The following RAB38 variants were observed in gnomAD, a reference collection of about 807,000 sequenced individuals.
RAB38 encodes RAB38, member RAS oncogene family.
Under a neutral mutation model 18.4 loss-of-function variants are expected in RAB38, and 15 were observed. The ratio of observed to expected loss-of-function variants is 0.82; its 90% confidence interval spans 0.55 to 1.26. The LOEUF (loss-of-function observed/expected upper bound fraction) is 1.26, where lower values mean the gene tolerates loss of function less well. Ranked by LOEUF, RAB38 falls within the 50% of genes most tolerant of loss-of-function variation. RAB38 has a pLI of 0.00. For synonymous variants in RAB38, 101 were observed against 104.4 expected, an observed-to-expected ratio of 0.97 and a Z score of 0.20; for missense variants, 294 against 267.4, an observed-to-expected ratio of 1.10 and a Z score of -0.69.
At chr11:87,967,355 T>C in the RAB38 span, among the ~76,000 whole-genome samples, 2 of 152,202 alleles carry the variant, frequency 1.3e-5, no homozygotes, top group Non-Finnish European at 2.9e-5. Context: ...AATCAGTTAA[T>C]GTGTGGTTTG....
At chr11:88,080,092 G>A in the RAB38 span, among the ~76,000 whole-genome samples, 5 of 151,576 alleles carry the variant, frequency 3.3e-5, no homozygotes, top group Non-Finnish European at 7.4e-5. Flanking sequence ...AGGAAATGGA[G>A]AAATAAAACT....
At chr11:87,861,021 T>C in the RAB38 span, among the ~76,000 whole-genome samples, 2 of 151,920 alleles carry the variant, frequency 1.3e-5, no homozygotes, top group East Asian at 3.9e-4. Flanking sequence ...GGAAGAAAGG[T>C]GAAATTATTC....
chr11:88,056,850 T>TACAC, the RAB38 span, among the ~76,000 whole-genome samples: 17 of 151,704 alleles, frequency 1.1e-4, no homozygotes, highest in African/African-American at 4.1e-4. Flanking sequence ...CATACATACA[T>TACAC]ACATACATAC....
the RAB38 span, among the ~76,000 whole-genome samples, chr11:87,842,576 C>T: frequency 5.9e-5 from 9 of 152,034 alleles, no homozygotes; most frequent in African/African-American, 1.7e-4. Flanking sequence ...TGTGCTTATC[C>T]GGAATCTCTA....
the RAB38 span, among the ~76,000 whole-genome samples, chr11:87,935,189 A>C: frequency 6.6e-6 from 1 of 152,222 alleles, no homozygotes; most frequent in Admixed American, 6.5e-5. Flanking sequence ...TATCCTTTTA[A>C]AAAACGTCTC....
chr11:88,157,397 G>A (rs1353761382), intron 1 of RAB38, among the ~76,000 whole-genome samples: 5 of 152,090 alleles, frequency 3.3e-5, no homozygotes, highest in African/African-American at 1.2e-4. Context: ...AATAATAGTG[G>A]GGGACTTCAA....
chr11:87,844,227 C>A, the RAB38 span, among the ~76,000 whole-genome samples: 1 of 152,130 alleles, frequency 6.6e-6, no homozygotes, highest in Non-Finnish European at 1.5e-5. Context: ...TTTTTAAAAT[C>A]TGCTTGTGTG....
the RAB38 span, among the ~76,000 whole-genome samples, chr11:87,955,873 GCACACACACACACA>G: frequency 8.7e-3 from 1,290 of 148,610 alleles, 11 homozygotes; most frequent in African/African-American, 0.025. Flanking sequence ...CAAACAGTAT[GCACACACACACACA>G]CACACACACA....
At chr11:88,127,688 T>C (rs556061167) in intron 2 of RAB38, among the ~76,000 whole-genome samples, 3 of 152,298 alleles carry the variant, frequency 2.0e-5, no homozygotes, top group East Asian at 1.9e-4. Context: ...ACAGAGTAGA[T>C]GATATAATGC....
the RAB38 span, among the ~76,000 whole-genome samples, chr11:87,960,941 C>T: frequency 6.6e-6 from 1 of 152,216 alleles, no homozygotes; most frequent in African/African-American, 2.4e-5. Context: ...AGAAATTACT[C>T]ATGTTAAGAA....
At chr11:88,139,184 A>T (rs532263276) in intron 2 of RAB38, among the ~76,000 whole-genome samples, 1 of 152,146 alleles carries the variant, frequency 6.6e-6, no homozygotes. Context: ...TCTTGATTAG[A>T]TATCTTAGAA....
chr11:88,023,287 A>G, the RAB38 span, among the ~76,000 whole-genome samples: 1 of 152,042 alleles, frequency 6.6e-6, no homozygotes, highest in Non-Finnish European at 1.5e-5. Context: ...GTAATAAAAA[A>G]TGTTTTTCCA....
chr11:87,894,108 T>C, the RAB38 span, among the ~76,000 whole-genome samples: 4 of 151,712 alleles, frequency 2.6e-5, no homozygotes, highest in Non-Finnish European at 4.4e-5. Flanking sequence ...CATTTCATAG[T>C]TGTCAATGTG....
the RAB38 span, among the ~76,000 whole-genome samples, chr11:88,035,630 C>G: frequency 6.6e-6 from 1 of 152,176 alleles, no homozygotes; most frequent in African/African-American, 2.4e-5. Flanking sequence ...GAAATCTAAA[C>G]CAGTCTAAGT....
the RAB38 span, among the ~76,000 whole-genome samples, chr11:87,883,239 T>C: frequency 6.6e-6 from 1 of 151,910 alleles, no homozygotes; most frequent in Non-Finnish European, 1.5e-5. Context: ...GCAAGCCAAC[T>C]GTTGCCTTGG....
chr11:88,168,405 C>G (rs1943269538), intron 1 of RAB38, among the ~76,000 whole-genome samples: 1 of 152,154 alleles, frequency 6.6e-6, no homozygotes, highest in African/African-American at 2.4e-5. Context: ...CGCATGATGT[C>G]TTCTCATCTC....
the RAB38 span, among the ~76,000 whole-genome samples, chr11:87,847,879 G>C: frequency 6.6e-6 from 1 of 152,008 alleles, no homozygotes; most frequent in African/African-American, 2.4e-5. Flanking sequence ...CTTCCTGTAA[G>C]GAATATAATA....
At chr11:88,100,731 G>A in the RAB38 span, among the ~76,000 whole-genome samples, 1 of 151,976 alleles carries the variant, frequency 6.6e-6, no homozygotes, top group Admixed American at 6.6e-5. Flanking sequence ...ATAACACTTT[G>A]GTAGAATAAA....
the RAB38 span, among the ~76,000 whole-genome samples, chr11:88,053,040 A>G: frequency 7.7e-6 from 1 of 130,692 alleles, no homozygotes; most frequent in Admixed American, 8.9e-5. Context: ...TATATAATAT[A>G]TACATATATG....
Sources: gnomAD v4.1 joint callset for allele counts (sites outside exome capture counted in the v4.1 genomes callset) on GRCh38, gnomAD v4.1.1 for gene constraint, MANE v1.5 for transcripts, NCBI Gene and HGNC (gene_info 2026-07-23, HGNC 2026-07-21) for gene names.